The following BAZ2B variants were observed in gnomAD, a reference collection of about 807,000 sequenced individuals.
The protein encoded by BAZ2B is bromodomain adjacent to zinc finger domain 2B, also known as bromodomain adjacent to zinc finger domain protein 2B.
Under a neutral mutation model 246.0 loss-of-function variants are expected in BAZ2B, and 91 were observed. The ratio of observed to expected loss-of-function variants is 0.37; its 90% CI spans 0.31 to 0.44. The LOEUF (loss-of-function observed/expected upper bound fraction) is 0.44, where lower values mean the gene tolerates loss of function less well. BAZ2B is among the 20% of genes least tolerant of loss of function. The pLI, the probability that BAZ2B is intolerant of heterozygous loss-of-function variation, is 1.00. For missense variants in BAZ2B, 2,332 were observed against 2,533.7 expected (o/e 0.92, Z 1.71); for synonymous variants, 855 against 860.0 (o/e 0.99, Z 0.10).
At chr2:159,433,464 C>A in intron 8 of BAZ2B, 101 bp from the exon 9 acceptor site, 1 of 1,054,828 alleles carries the variant, frequency 9.5e-7, no homozygotes, top group East Asian at 2.6e-5. Flanking sequence ...GCTATTATAT[C>A]ATATATAAAT....
chr2:159,418,704 T>A (rs1013751789), intron 13 of BAZ2B, among the ~76,000 whole-genome samples: 2 of 152,212 alleles, frequency 1.3e-5, no homozygotes, highest in African/African-American at 4.8e-5. Flanking sequence ...TATTGATGAC[T>A]ATTTTTAAAG....
intron 2 of BAZ2B, among the ~76,000 whole-genome samples, chr2:159,514,805 T>G (rs2083267987): frequency 6.6e-6 from 1 of 152,184 alleles, no homozygotes; most frequent in Admixed American, 6.5e-5. Context: ...GGTTTGCATA[T>G]AGTAAGTATT....
At chr2:159,434,554 G>A (rs741) in intron 8 of BAZ2B, 49,245 of 151,802 alleles carry the variant, frequency 0.32, 9,810 homozygotes, top group Non-Finnish European at 0.46. Context: ...TACCTCTAAG[G>A]AGATAACTTA....
chr2:159,588,233 C>A lies in BAZ2B; in HGVS notation c.-46+28009G>T, dbSNP rs796991652. On this transcript the variant is annotated intron_variant, in intron 1 of 36. Coordinates refer to ENST00000392783, the MANE Select transcript of BAZ2B (RefSeq NM_013450.4). ...CTGCATCAAAAAAAAAAAAAAAAAA[C>A]CCCTGCTTGCCAAATGAAACAAAAT... 4.4e-3 allele frequency among the ~76,000 whole-genome samples: 487 copies of A among 111,318 alleles called. 1 individual carries two copies. Among genetic ancestry groups the A allele is most frequent in the African/African-American group, 0.014 (419 of 29,922 alleles). The allele number at this position is 111,318 out of a possible 152,430, so 73.0% of individuals were successfully genotyped here.
upstream of BAZ2B, among the ~76,000 whole-genome samples, chr2:159,618,996 T>C (rs1573847627): frequency 6.6e-6 from 1 of 152,098 alleles, no homozygotes; most frequent in East Asian, 1.9e-4. Context: ...TTCATAATGA[T>C]ATGTAATTTA....
At chr2:159,547,620 C>T (rs761360866) in intron 2 of BAZ2B, among the ~76,000 whole-genome samples, 64 of 152,124 alleles carry the variant, frequency 4.2e-4, no homozygotes, top group Admixed American at 3.9e-4. Flanking sequence ...AATTTACTAG[C>T]CATATTAAAT....
intron 31 of BAZ2B, among the ~76,000 whole-genome samples, chr2:159,340,600 G>A (rs971312628): frequency 1.2e-4 from 18 of 151,844 alleles, no homozygotes; most frequent in African/African-American, 4.4e-4. Flanking sequence ...AACCTTGTAG[G>A]CCAGGAGAGA....
the BAZ2B span, among the ~76,000 whole-genome samples, chr2:159,674,380 G>C: frequency 7.0e-6 from 1 of 141,862 alleles, no homozygotes. Context: ...GGAAGGGAAG[G>C]GAAGAAAAGA....
intron 1 of BAZ2B, among the ~76,000 whole-genome samples, chr2:159,590,858 G>A (rs1046933405): frequency 7.9e-5 from 12 of 152,114 alleles, no homozygotes; most frequent in Admixed American, 1.3e-4. Flanking sequence ...AATAAGAAGT[G>A]TAAAACAGCA....
At chr2:159,608,753 T>C (rs1464175485) in intron 1 of BAZ2B, among the ~76,000 whole-genome samples, 4 of 152,218 alleles carry the variant, frequency 2.6e-5, no homozygotes, top group African/African-American at 9.6e-5. Context: ...GCATCATCCT[T>C]TAATAACCTT....
At chr2:159,484,524 G>T (rs1338113851) in intron 2 of BAZ2B, among the ~76,000 whole-genome samples, 1 of 152,070 alleles carries the variant, frequency 6.6e-6, no homozygotes. Context: ...AATTCTGAGC[G>T]CAAATAAAAA....
In BAZ2B at chr2:159,448,407, C is replaced by T; in HGVS notation, c.337G>A (p.Ala113Thr). ...AHPQLASFPG[A>T]EWWRTTDAHT... ...GCATCAGTTGTTCGCCACCATTCTGCACCTCAAAACCAAACAAACCAACCA... is the reference window on the plus strand; with the variant it reads ...GCATCAGTTGTTCGCCACCATTCTGTACCTCAAAACCAAACAAACCAACCA... Residue 113 changes from alanine (A) to threonine (T), a missense_variant and splice_region_variant, in exon 5 of 37, where the codon GCA becomes ACA. Ala to Thr is a moderately conservative substitution (Grantham distance 58). Coordinates refer to ENST00000392783, the MANE Select transcript of BAZ2B (RefSeq NM_013450.4). 6.4e-7 allele frequency: 1 copy of T among 1,552,440 alleles called. No individual in the cohort carries two copies.
At chr2:159,332,734 A>G (rs992972847) in intron 33 of BAZ2B, 48 bp from the exon 34 acceptor site, 13 of 1,593,436 alleles carry the variant, frequency 8.2e-6, no homozygotes, top group Non-Finnish European at 1.1e-5. Context: ...GCCATGAATA[A>G]TAGTTATTGG....
intron 2 of BAZ2B, among the ~76,000 whole-genome samples, chr2:159,513,495 G>A (rs1187825553): frequency 6.6e-6 from 1 of 152,140 alleles, no homozygotes; most frequent in East Asian, 1.9e-4. Flanking sequence ...CACATCCAAA[G>A]TCAAAGTCCT....
At chr2:159,700,242 C>T in the BAZ2B span, among the ~76,000 whole-genome samples, 3 of 152,196 alleles carry the variant, frequency 2.0e-5, no homozygotes, top group Admixed American at 1.3e-4. Context: ...ATTAGTTCCA[C>T]AACCTCCAGC....
intron 27 of BAZ2B, among the ~76,000 whole-genome samples, chr2:159,367,489 G>A (rs1379971035): frequency 2.6e-5 from 4 of 152,124 alleles, no homozygotes. Flanking sequence ...ATTAATTGAT[G>A]TTAATGTTAT....
At chr2:159,398,408 CAAAGAA>C (rs1368437051) in intron 18 of BAZ2B, 2 of 152,688 alleles carry the variant, frequency 1.3e-5, no homozygotes, top group African/African-American at 4.8e-5. Flanking sequence ...TGAATATTAA[CAAAGAA>C]AAAGTTATAA....
At chr2:159,335,904 T>TA (rs2065587023) in intron 33 of BAZ2B, among the ~76,000 whole-genome samples, 1 of 152,230 alleles carries the variant, frequency 6.6e-6, no homozygotes, top group South Asian at 2.1e-4. Context: ...CTCACGCCTG[T>TA]AATCCTAGCA....
intron 8 of BAZ2B, 178 bp from the exon 9 acceptor site, chr2:159,433,541 G>T (rs2071545821): frequency 7.9e-6 from 4 of 507,630 alleles, no homozygotes; most frequent in Non-Finnish European, 1.3e-5. Context: ...CTACATTTTG[G>T]CTCTAATTTA....
Sources: allele counts gnomAD v4.1 joint callset (sites outside exome capture counted in the v4.1 genomes callset), GRCh38; gene constraint gnomAD v4.1.1; transcripts MANE v1.5; gene names NCBI Gene and HGNC (gene_info 2026-07-23, HGNC 2026-07-21).